LONP1: variants seen among roughly 807,000 people sequenced by gnomAD.
LONP1 encodes the protein lon peptidase 1, mitochondrial, also known as lon protease homolog, mitochondrial.
In LONP1, 31 loss-of-function variants were observed where a neutral mutation model predicts 98.5. The ratio of observed to expected loss-of-function variants is 0.31; its 90% confidence interval spans 0.24 to 0.42. The LOEUF is 0.42. Ranked by LOEUF, LONP1 falls within the 20% of genes least tolerant of loss-of-function variation. The pLI, the probability that LONP1 is intolerant of heterozygous loss-of-function variation, is 1.00. For missense variants in LONP1, 1,336 were observed against 1,350.6 expected, an observed-to-expected ratio of 0.99 and a Z score of 0.17; for synonymous variants, 781 against 594.7, an observed-to-expected ratio of 1.31 and a Z score of -4.56.
intron 9 of LONP1, 134 bp downstream of exon 9, chr19:5,700,655 G>C: frequency 4.8e-6 from 6 of 1,253,714 alleles, no homozygotes; most frequent in Non-Finnish European, 6.6e-6. Context: ...CCTCCGCCGG[G>C]ATCCCCCCGA....
intron 1 of LONP1, among the ~76,000 whole-genome samples, chr19:5,715,399 T>G (rs931037593): frequency 2.0e-5 from 3 of 150,542 alleles, no homozygotes; most frequent in Non-Finnish European, 3.0e-5. Context: ...ATCCCAGCAC[T>G]TTGGGAGGCC....
chr19:5,693,341 C>T lies in LONP1; in HGVS notation c.2660G>A (p.Gly887Asp). Residue 887 changes from glycine (G) to aspartate (D), a missense_variant, in exon 17 of 18, where the codon GGC becomes GAC. Coordinates refer to ENST00000360614, the MANE Select transcript of LONP1 (RefSeq NM_004793.4). ...GATGCCACCAACAGGCAGGATCTTG[C>T]CCGTGAGGGAGACTTCGCCAGTCAT... Reference protein sequence around the residue: ...LAMTGEVSLTGKILPVGGIKE... With the variant: ...LAMTGEVSLTDKILPVGGIKE... The T allele has an allele frequency of 6.2e-7, 1 of 1,613,294 alleles. No homozygotes were observed. Among genetic ancestry groups the T allele is most frequent in the Non-Finnish European group, 8.5e-7 (1 of 1,179,752 alleles).
At chr19:5,712,170 G>T in intron 3 of LONP1, 168 bp from the exon 4 acceptor site, 1 of 592,602 alleles carries the variant, frequency 1.7e-6, no homozygotes, top group Non-Finnish European at 3.0e-6. Flanking sequence ...CCGCTTTCTC[G>T]GGGCCTCCCA....
chr19:5,692,311 G>A, intron 17 of LONP1, 103 bp from the exon 18 acceptor site: 2 of 1,152,190 alleles, frequency 1.7e-6, no homozygotes, highest in Admixed American at 2.3e-5. Context: ...GCGATACACA[G>A]TGATGCCGGG....
At chr19:5,710,987 T>C (rs368877470) in intron 4 of LONP1, among the ~76,000 whole-genome samples, 4 of 151,688 alleles carry the variant, frequency 2.6e-5, no homozygotes, top group African/African-American at 9.7e-5. Flanking sequence ...GATCGTTCCA[T>C]TGCACTCCAG....
Position 5,707,275 on chromosome 19 carries a change from G to A in LONP1, c.1063-132C>T, listed in dbSNP as rs527337437. 29 of 711,814 alleles carry A rather than the reference G, an allele frequency of 4.1e-5. 1 individual carries two copies. The highest frequency in any genetic ancestry group is 3.4e-4 in the South Asian group (21 of 61,842). 44.1% of individuals were successfully genotyped at this position (711,814 alleles called of 1,614,324 possible). ...CTGGCCATGCTGTACCCAGCACAGA[G>A]GCATGTGTGCCCTCTGCCCCAACAA... On this transcript the variant is annotated intron_variant, in intron 6 of 17. Coordinates refer to ENST00000360614, the MANE Select transcript of LONP1 (RefSeq NM_004793.4).
Position 5,700,868 on chromosome 19 carries a change from T to C in LONP1, c.1427A>G (p.Glu476Gly). 2 of 1,614,252 alleles carry C rather than the reference T, an allele frequency of 1.2e-6. No homozygotes were observed. The highest frequency in any genetic ancestry group is 2.2e-5 in the East Asian group (1 of 44,888). ...CTGTGCCCGCGCCAGGTCCAGGTTC[T>C]CGTTGCTGTACTTGCCCCAAGGGAT... ...TSIPWGKYSNENLDLARAQAV... is the reference protein window; with the variant it reads ...TSIPWGKYSNGNLDLARAQAV... The change falls in exon 9 of 18, where the codon GAG becomes GGG. Residue 476 changes from glutamate to glycine, a missense_variant. By Grantham distance (98) the Glu-to-Gly change is moderately conservative (BLOSUM62 -2). Transcript: ENST00000360614.
chr19:5,719,958 G>A lies in LONP1; in HGVS notation c.175C>T (p.Pro59Ser), dbSNP rs2055407679. 4 of 1,572,548 alleles carry A rather than the reference G, an allele frequency of 2.5e-6. No individual in the cohort carries two copies. Among genetic ancestry groups the A allele is most frequent in the Non-Finnish European group, 3.4e-6 (4 of 1,161,062 alleles). ...CCCCGCCATTGGCCCCCAATTGCCG[G>A]GCCTCGGCCCCACAGTGCCCAAGGA... ...SPPWALWGRG[P>S]AIGGQWRGFW... Residue 59 changes from proline to serine, a missense_variant, in exon 1 of 18, where the codon CCG (proline) becomes TCG (serine). Pro to Ser is a moderately conservative substitution (Grantham distance 74). This residue lies in a region of LONP1 where 457 missense variants were observed against 403.1 expected (regional missense o/e 1.13). Transcript: ENST00000360614.
At chr19:5,702,259 G>T (rs550168342) in intron 8 of LONP1, among the ~76,000 whole-genome samples, 1 of 131,264 alleles carries the variant, frequency 7.6e-6, no homozygotes, top group African/African-American at 3.0e-5. Context: ...GGTTGGGGGG[G>T]GGGTCAGCCC....
At position 5,692,020 on chromosome 19, in the gene LONP1, C is replaced by A; in HGVS notation, c.*12G>T. The A allele has an allele frequency of 8.9e-7, 1 of 1,125,910 alleles. No individual in the cohort carries two copies. The highest frequency in any genetic ancestry group is 2.3e-5 in the Admixed American group (1 of 43,936). 69.7% of individuals were successfully genotyped at this position (1,125,910 alleles called of 1,614,324 possible). On this transcript the variant is annotated 3_prime_UTR_variant, in exon 18 of 18. Transcript: ENST00000360614. Reference sequence around the variant, plus strand: ...GGCCTGACATCCGCCGCCTGCAGTCCCGGGGTGGCCGTCACCGTTCCACGG... The same window carrying A: ...GGCCTGACATCCGCCGCCTGCAGTCACGGGGTGGCCGTCACCGTTCCACGG...
intron 8 of LONP1, among the ~76,000 whole-genome samples, chr19:5,703,113 G>A (rs1267898837): frequency 2.0e-4 from 30 of 151,324 alleles, no homozygotes; most frequent in Non-Finnish European, 3.7e-4. Flanking sequence ...CCCGAGAGGC[G>A]GAGCTTGCAG....
At chr19:5,704,557 CT>C (rs2055113080) in intron 8 of LONP1, among the ~76,000 whole-genome samples, 2 of 152,236 alleles carry the variant, frequency 1.3e-5, no homozygotes, top group South Asian at 4.1e-4. Flanking sequence ...GCCCCGGGGA[CT>C]TCTGCCTAGA....
chr19:5,692,244 T>C, intron 17 of LONP1, 36 bp from the exon 18 acceptor site: 1 of 1,576,514 alleles, frequency 6.3e-7, no homozygotes, highest in Non-Finnish European at 8.6e-7. Flanking sequence ...TGCCTGGGCC[T>C]GTGGGAGGGC....
intron 8 of LONP1, among the ~76,000 whole-genome samples, chr19:5,705,532 C>T (rs1351701461): frequency 1.3e-5 from 2 of 152,024 alleles, no homozygotes; most frequent in African/African-American, 4.8e-5. Flanking sequence ...GCACCACCTG[C>T]CAATTCACAG....
chr19:5,705,901 T>C lies in LONP1; in HGVS notation c.1238A>G (p.Asp413Gly), dbSNP rs2055137623. The stretch of plus-strand genomic sequence containing the variant: ...GAACTTCTCCTCGATGGCATCCTTG[T>C]CGTCCTTCTCCAGGCCCAGCTCCTT... Reference protein sequence around the residue: ...IKKELGLEKDDKDAIEEKFRE... With the variant: ...IKKELGLEKDGKDAIEEKFRE... The change falls in exon 8 of 18, where the codon GAC (aspartate) becomes GGC (glycine). Residue 413 changes from aspartate to glycine, a missense_variant. This residue lies in a region of LONP1 where 219 missense variants were observed against 241.0 expected (regional missense o/e 0.91). Transcript: ENST00000360614. 1 of 1,614,170 alleles carries C rather than the reference T, an allele frequency of 6.2e-7. No homozygotes were observed.
intron 10 of LONP1, among the ~76,000 whole-genome samples, chr19:5,697,372 G>C (rs912520431): frequency 6.6e-6 from 1 of 151,806 alleles, no homozygotes; most frequent in African/African-American, 2.4e-5. Flanking sequence ...ACGCACGTGA[G>C]GAGAGAGCCA....
In LONP1 at chr19:5,696,102, C is replaced by G. The variant is rs762455286; in HGVS notation, c.1965G>C (p.Met655Ile). 14 of 1,613,012 alleles carry G rather than the reference C, an allele frequency of 8.7e-6. No individual in the cohort carries two copies. The East Asian group carries it at 2.7e-4, about 31-fold the overall frequency. ...GGGCCACGTAGCCCGACACGTTGAT[C>G]ATCTCCATACGGTCTCGCAGCGGCT... ...IPEPLRDRME[M>I]INVSGYVAQE... Residue 655 changes from methionine (M) to isoleucine (I), a missense_variant, in exon 13 of 18, where the codon ATG becomes ATC. Met to Ile is a conservative substitution (Grantham distance 10). Around this residue, in one of 5 missense-constraint regions of LONP1, gnomAD observed 555 missense variants for 542.6 expected, o/e 1.02. Transcript: ENST00000360614.
At chr19:5,706,592 C>CT (rs1335690785) in intron 7 of LONP1, among the ~76,000 whole-genome samples, 2 of 152,082 alleles carry the variant, frequency 1.3e-5, no homozygotes, top group Admixed American at 6.5e-5. Context: ...AGGTGGCCGA[C>CT]TGAGACCCTG....
rs2485256 is a variant in LONP1 at position 5,694,338 on chromosome 19, G to A, written c.2320+49C>T. The A allele has an allele frequency of 0.067, 106,351 of 1,599,146 alleles. 3,963 individuals carry two copies. The highest frequency in any genetic ancestry group is 0.11 in the South Asian group (10,047 of 90,626). On this transcript the variant is annotated intron_variant, in intron 15 of 17. Transcript: ENST00000360614. Reference sequence around the variant, plus strand: ...TACAAGGTGGGACCTGCTTGTTCTCGGGTAGAAATGGGAATGGCTTTGGGG... The same window carrying A: ...TACAAGGTGGGACCTGCTTGTTCTCAGGTAGAAATGGGAATGGCTTTGGGG...
Sources: allele counts gnomAD v4.1 joint callset (sites outside exome capture counted in the v4.1 genomes callset), GRCh38; gene constraint gnomAD v4.1.1; regional missense constraint gnomAD v4.1.1; transcripts MANE v1.5; gene names NCBI Gene and HGNC (gene_info 2026-07-23, HGNC 2026-07-21).